Variants in ROBO2 observed in about 807,000 individuals in gnomAD.
The protein encoded by ROBO2 is roundabout homolog 2.
Under a neutral mutation model 160.8 loss-of-function variants are expected in ROBO2, and 53 were observed. That is an observed-to-expected ratio of 0.33 (90% CI 0.26 to 0.41). ROBO2 has a LOEUF of 0.41. Among genes scored for constraint, ROBO2 ranks in the 10% least tolerant of loss-of-function variants. The pLI, the probability that ROBO2 is intolerant of heterozygous loss-of-function variation, is 1.00. For missense variants in ROBO2, 1,577 were observed against 1,722.4 expected (o/e 0.92, Z 1.49); for synonymous variants, 664 against 611.7 (o/e 1.09, Z -1.26).
At chr3:76,134,738 G>A (rs774157853) in intron 2 of ROBO2, among the ~76,000 whole-genome samples, 5 of 152,048 alleles carry the variant, frequency 3.3e-5, no homozygotes, top group Non-Finnish European at 4.4e-5. Context: ...CATGGAATCC[G>A]TGAGATAATA....
At chr3:76,715,535 A>G (rs926204838) in intron 2 of ROBO2, among the ~76,000 whole-genome samples, 3 of 152,182 alleles carry the variant, frequency 2.0e-5, no homozygotes, top group African/African-American at 4.8e-5. Context: ...ACTTACACCT[A>G]ATAGCATTTG....
chr3:76,641,996 A>G (rs2090701566), intron 2 of ROBO2, among the ~76,000 whole-genome samples: 1 of 152,194 alleles, frequency 6.6e-6, no homozygotes, highest in Non-Finnish European at 1.5e-5. Flanking sequence ...TTGGGAATAC[A>G]GGCATGAGCC....
At position 77,591,064 on chromosome 3, in the gene ROBO2, A is replaced by T. The variant is rs372798435; in HGVS notation, c.2683+2131A>T. ...GATAACAGATTTTATGAAGCTCAGTAAATATAAACAATTTAATATGAGTGA... is the reference window on the plus strand; with the variant it reads ...GATAACAGATTTTATGAAGCTCAGTTAATATAAACAATTTAATATGAGTGA... On this transcript the variant is annotated intron_variant, in intron 17 of 25. Coordinates refer to ENST00000461745, the Ensembl canonical transcript of ROBO2. 1.6e-4 allele frequency among the ~76,000 whole-genome samples: 25 copies of T among 152,154 alleles called. No homozygotes were observed. The East Asian group carries it at 2.1e-3, about 13-fold the overall frequency.
chr3:76,430,946 C>T (rs577900192), intron 2 of ROBO2, among the ~76,000 whole-genome samples: 1 of 151,990 alleles, frequency 6.6e-6, no homozygotes, highest in African/African-American at 2.4e-5. Flanking sequence ...TTATGAAACT[C>T]TCTTACTGTT....
At chr3:77,478,229 A>C (rs1223031743) in intron 3 of ROBO2, among the ~76,000 whole-genome samples, 1 of 152,140 alleles carries the variant, frequency 6.6e-6, no homozygotes, top group Non-Finnish European at 1.5e-5. Context: ...ACTACATCTA[A>C]TTTTGCACCA....
intron 2 of ROBO2, among the ~76,000 whole-genome samples, chr3:76,315,879 C>T (rs1439315809): frequency 6.6e-6 from 1 of 152,088 alleles, no homozygotes; most frequent in Non-Finnish European, 1.5e-5. Context: ...TTTCTATTTT[C>T]CCTAAGTGTC....
chr3:76,097,221 A>G (rs1333392618), intron 2 of ROBO2, among the ~76,000 whole-genome samples: 12 of 152,128 alleles, frequency 7.9e-5, no homozygotes, highest in African/African-American at 2.9e-4. Flanking sequence ...TGCTGCAGCC[A>G]CAGAGTTGTT....
At chr3:77,117,627 T>G (rs2074337248) in intron 2 of ROBO2, among the ~76,000 whole-genome samples, 1 of 152,192 alleles carries the variant, frequency 6.6e-6, no homozygotes, top group African/African-American at 2.4e-5. Context: ...TTCAAATGAT[T>G]AAGGTTAGCA....
chr3:77,473,973 T>C (rs2083674410), intron 2 of ROBO2, among the ~76,000 whole-genome samples: 1 of 152,116 alleles, frequency 6.6e-6, no homozygotes, highest in Non-Finnish European at 1.5e-5. Context: ...AAGCACAGGA[T>C]GAAGTTGTTC....
chr3:76,811,099 T>C (rs1039682749), intron 2 of ROBO2, among the ~76,000 whole-genome samples: 1 of 152,146 alleles, frequency 6.6e-6, no homozygotes, highest in Non-Finnish European at 1.5e-5. Context: ...TTTTTCAAAA[T>C]GATTTTTATT....
rs892095914 is a variant in ROBO2 at position 76,463,509 on chromosome 3, C to T, written c.109+525907C>T. ...TACTCTACTGGCAGTTCTGGTCCCC[C>T]GGGTCTCACTTTTGGGGAAATTAGG... On this transcript the variant is annotated intron_variant, in intron 2 of 26. Coordinates refer to the ROBO2 transcript ENST00000487694. Among the ~76,000 whole-genome samples, 7 of 152,098 alleles carry T rather than the reference C, an allele frequency of 4.6e-5. 1 individual carries two copies. In the South Asian group the frequency reaches 6.2e-4, roughly 14 times the overall value.
intron 2 of ROBO2, among the ~76,000 whole-genome samples, chr3:77,210,783 C>A (rs2084036376): frequency 6.6e-6 from 1 of 151,588 alleles, no homozygotes; most frequent in Non-Finnish European, 1.5e-5. Flanking sequence ...GTTCCCCTTC[C>A]TGTGTCCATG....
chr3:77,205,011 G>T (rs777697712), intron 2 of ROBO2, among the ~76,000 whole-genome samples: 57 of 152,200 alleles, frequency 3.7e-4, no homozygotes, highest in Non-Finnish European at 7.8e-4. Flanking sequence ...GCCGGGCGGG[G>T]CAAGTGCTCT....
At position 76,933,888 on chromosome 3, in the gene ROBO2, C is replaced by A. The variant is rs113929176; in HGVS notation, c.110-164126C>A. 5.9e-3 allele frequency among the ~76,000 whole-genome samples: 899 copies of A among 152,266 alleles called. 8 individuals are homozygous for A. The highest frequency in any genetic ancestry group is 0.02 in the African/African-American group (841 of 41,552). ...ATCATTTGTGTCTCTATCATAAAGA[C>A]ACAATTCTGTCTCTTCTAAAAATAT... On this transcript the variant is annotated intron_variant, in intron 2 of 26. Transcript: ENST00000487694.
intron 1 of ROBO2, among the ~76,000 whole-genome samples, chr3:75,924,516 C>T (rs562519576): frequency 6.8e-4 from 103 of 151,940 alleles, no homozygotes; most frequent in African/African-American, 2.4e-3. Flanking sequence ...GGACTTCTGA[C>T]CCCCAGAAGT....
At chr3:76,368,715 G>T (rs2075957788) in intron 2 of ROBO2, among the ~76,000 whole-genome samples, 1 of 151,912 alleles carries the variant, frequency 6.6e-6, no homozygotes, top group Non-Finnish European at 1.5e-5. Context: ...ATTTTCTACT[G>T]GTCTAAGAGT....
At chr3:77,505,792 A>G (rs541840239) in intron 5 of ROBO2, among the ~76,000 whole-genome samples, 46 of 152,310 alleles carry the variant, frequency 3.0e-4, no homozygotes, top group African/African-American at 1.0e-3. Context: ...ATAAATGAAG[A>G]ATCTGAGGGG....
At chr3:77,231,871 G>A (rs2087262055) in intron 2 of ROBO2, among the ~76,000 whole-genome samples, 1 of 152,080 alleles carries the variant, frequency 6.6e-6, no homozygotes. Context: ...CTATCCTTGA[G>A]GCTCTACTGA....
At position 77,606,318 on chromosome 3, in the gene ROBO2, A is replaced by C. The variant is rs2094525361; in HGVS notation, c.3137-1480A>C. Among the ~76,000 whole-genome samples, 2 of 152,188 alleles carry C rather than the reference A, an allele frequency of 1.3e-5. 1 individual carries two copies. The highest frequency in any genetic ancestry group is 4.1e-4 in the South Asian group (2 of 4,828). On this transcript the variant is annotated intron_variant, in intron 20 of 25. Transcript: ENST00000461745. ...TTGTAATTCTCAAAATAACTGAAAA[A>C]AGTAGTAACTTTATATCTGTTTTAC...
Sources: gnomAD v4.1 joint callset for allele counts (sites outside exome capture counted in the v4.1 genomes callset) on GRCh38, gnomAD v4.1.1 for gene constraint, MANE v1.5 for transcripts, NCBI Gene and HGNC (gene_info 2026-07-23, HGNC 2026-07-21) for gene names.